Variants in BCAR3 observed in about 807,000 individuals in gnomAD.
BCAR3 encodes breast cancer anti-estrogen resistance protein 3.
BCAR3 carries 37 observed loss-of-function variants against 80.1 expected under a neutral mutation model. The ratio of observed to expected loss-of-function variants is 0.46; its 90% CI spans 0.36 to 0.61. The LOEUF is 0.61. Among genes scored for constraint, BCAR3 ranks in the 20% least tolerant of loss-of-function variants. BCAR3 has a pLI of 0.00. For synonymous variants in BCAR3, 389 were observed against 418.9 expected (o/e 0.93, Z 0.87); for missense variants, 978 against 1,068.2 (o/e 0.92, Z 1.18).
chr1:93,585,691 G>T (rs1276280025), intron 5 of BCAR3, among the ~76,000 whole-genome samples: 1 of 152,148 alleles, frequency 6.6e-6, no homozygotes, highest in East Asian at 1.9e-4. Flanking sequence ...CTATGAAAAG[G>T]AGGATTTCTA....
intron 3 of BCAR3, among the ~76,000 whole-genome samples, chr1:93,600,456 C>A (rs913584284): frequency 6.6e-6 from 1 of 152,150 alleles, no homozygotes; most frequent in East Asian, 1.9e-4. Context: ...GAAGTGGGTT[C>A]CAAGAGTCAG....
rs150792613 is a variant in BCAR3 at position 93,787,250 on chromosome 1, A to T, written c.-63+58317T>A. 3.1e-3 allele frequency among the ~76,000 whole-genome samples: 469 copies of T among 152,272 alleles called. 1 individual carries two copies. Among genetic ancestry groups the T allele is most frequent in the African/African-American group, 0.011 (459 of 41,566 alleles). On this transcript the variant is annotated intron_variant, in intron 2 of 13. Transcript: ENST00000370244. ...TGGGCTTGGCATTAAGCTTGAAGGA[A>T]TGGAGGAAAAGGGGCATCTGAGACA... is the stretch of plus-strand genomic sequence containing the variant.
intron 11 of BCAR3, 34 bp downstream of exon 11, chr1:93,567,243 AGT>A: frequency 6.2e-7 from 1 of 1,600,442 alleles, no homozygotes; most frequent in Non-Finnish European, 8.6e-7. Flanking sequence ...ATTACGATAC[AGT>A]GTTAGAGAAC....
chr1:93,813,676 G>A (rs1337219623), intron 2 of BCAR3, among the ~76,000 whole-genome samples: 2 of 151,926 alleles, frequency 1.3e-5, no homozygotes, highest in African/African-American at 2.4e-5. Context: ...TTAATATTTC[G>A]GGATCAAAGA....
At chr1:93,618,531 C>T (rs1004821248) in intron 3 of BCAR3, among the ~76,000 whole-genome samples, 21 of 152,200 alleles carry the variant, frequency 1.4e-4, no homozygotes, top group Admixed American at 2.6e-4. Context: ...CTGAGTAATG[C>T]GAAGCAAAAT....
intron 3 of BCAR3, among the ~76,000 whole-genome samples, chr1:93,611,990 T>C (rs185728051): frequency 6.6e-6 from 1 of 152,274 alleles, no homozygotes; most frequent in Non-Finnish European, 1.5e-5. Flanking sequence ...CAATTTAATT[T>C]TGAAACTCTA....
At chr1:93,629,244 A>C (rs903648986) in intron 3 of BCAR3, among the ~76,000 whole-genome samples, 2 of 152,294 alleles carry the variant, frequency 1.3e-5, no homozygotes. Flanking sequence ...CAGCCTGGGC[A>C]CACGCTGTCT....
intron 2 of BCAR3, among the ~76,000 whole-genome samples, chr1:93,669,895 A>C (rs1424958884): frequency 6.6e-6 from 1 of 152,176 alleles, no homozygotes; most frequent in Non-Finnish European, 1.5e-5. Context: ...TATGAGATGC[A>C]AAGGCATAAG....
Position 93,586,824 on chromosome 1 carries a change from C to A in BCAR3, c.929+2153G>T, listed in dbSNP as rs1199236016. 6.6e-6 allele frequency among the ~76,000 whole-genome samples: 1 copy of A among 152,202 alleles called. No individual in the cohort carries two copies. The highest frequency in any genetic ancestry group is 2.4e-5 in the African/African-American group (1 of 41,444). ...ATCATGTTGAACACCTTTTCATATG[C>A]CTGTTTGCCACTGCAGTGGCATGAT... On this transcript the variant is annotated intron_variant, in intron 5 of 11. Coordinates refer to ENST00000260502, the MANE Select transcript of BCAR3 (RefSeq NM_003567.4). This position sits in a 1 kb window ranked among gnomAD's most constrained non-coding sequence, Gnocchi z 4.2.
At chr1:93,802,315 GAA>G (rs11349279) in intron 2 of BCAR3, among the ~76,000 whole-genome samples, 4 of 143,056 alleles carry the variant, frequency 2.8e-5, no homozygotes, top group Admixed American at 7.0e-5. Context: ...AACTTTAAAA[GAA>G]AAAAAAAAAA....
chr1:93,638,448 A>T (rs1675867772), intron 3 of BCAR3, among the ~76,000 whole-genome samples: 1 of 152,218 alleles, frequency 6.6e-6, no homozygotes, highest in South Asian at 2.1e-4. Flanking sequence ...ACACAGTGTA[A>T]TTGTGTTTTA....
rs900177332 is a variant in BCAR3 at position 93,562,261 on chromosome 1, C to T, written c.2458G>A (p.Val820Ile). Reference protein sequence around the residue: ...ALSRKLEPPPVKQAEL With the variant: ...ALSRKLEPPPIKQAEL ...AGTTATCAAAGCTCTGCCTGCTTTA[C>T]AGGAGGAGGTTCCAATTTACGCGAG... Residue 820 changes from valine (V) to isoleucine (I), a missense_variant, in exon 12 of 12, where the codon GTA becomes ATA. Transcript: ENST00000260502. 1.2e-6 allele frequency: 2 copies of T among 1,613,926 alleles called. No homozygotes were observed. The highest frequency in any genetic ancestry group is 2.2e-5 in the East Asian group (1 of 44,878).
At chr1:93,834,076 C>T (rs923003617) in intron 2 of BCAR3, among the ~76,000 whole-genome samples, 4 of 152,196 alleles carry the variant, frequency 2.6e-5, no homozygotes, top group Admixed American at 6.5e-5. Flanking sequence ...CCAGTCCCTC[C>T]GTTTGGGTTC....
intron 2 of BCAR3, among the ~76,000 whole-genome samples, chr1:93,759,328 C>T (rs1299059590): frequency 6.6e-6 from 1 of 152,124 alleles, no homozygotes; most frequent in Non-Finnish European, 1.5e-5. Context: ...CTCCAGTGTC[C>T]GGCTAATTTC....
rs1673002024 is a variant in BCAR3, at chr1:93,567,467, T to C, written c.2111A>G (p.Asn704Ser). The stretch of plus-strand genomic sequence containing the variant: ...CGGCATCAGCAGTGGGACTGATACA[T>C]TGTTTGGGGGAACACATGTGGACTC... ...GRESTCVPPN[N>S]VSVPLLMPLV... is the part of the protein sequence containing the mutation. Residue 704 changes from asparagine (N) to serine (S), a missense_variant, in exon 11 of 12, where the codon AAT (asparagine) becomes AGT (serine). Asn to Ser is a conservative substitution (Grantham distance 46). Transcript: ENST00000260502. 1 of 1,613,174 alleles carries C rather than the reference T, an allele frequency of 6.2e-7. No individual in the cohort carries two copies. The highest frequency in any genetic ancestry group is 1.3e-5 in the African/African-American group (1 of 74,952).
chr1:93,688,226 C>T (rs1649041747), intron 3 of BCAR3, among the ~76,000 whole-genome samples: 1 of 152,156 alleles, frequency 6.6e-6, no homozygotes, highest in African/African-American at 2.4e-5. Context: ...TACTAAACCT[C>T]AGTAAATACT....
At position 93,699,563 on chromosome 1, in the gene BCAR3, A is replaced by T. The variant is rs115683749; in HGVS notation, c.-12+6529T>A. Among the ~76,000 whole-genome samples the T allele has an allele frequency of 3.5e-3, 535 of 152,120 alleles. 5 individuals are homozygous for T. The highest frequency in any genetic ancestry group is 0.012 in the African/African-American group (510 of 41,482). ...AGGTGATCATATACCGGCCTCAGTGATTCTCTCCTCCTCCCGGCCCCATGT... is the reference window on the plus strand; with the variant it reads ...AGGTGATCATATACCGGCCTCAGTGTTTCTCTCCTCCTCCCGGCCCCATGT... On this transcript the variant is annotated intron_variant, in intron 3 of 13. Coordinates refer to the BCAR3 transcript ENST00000370244.
chr1:93,686,045 T>C (rs1251759986), upstream of BCAR3, among the ~76,000 whole-genome samples: 1 of 152,096 alleles, frequency 6.6e-6, no homozygotes. Flanking sequence ...TATTTTTCAA[T>C]GATAATATTA....
rs897523060 is a variant in BCAR3 at position 93,663,053 on chromosome 1, A to T, written c.317+11561T>A. Among the ~76,000 whole-genome samples the T allele has an allele frequency of 5.3e-5, 8 of 152,112 alleles. No homozygotes were observed. In the East Asian group the frequency reaches 1.6e-3, roughly 29 times the overall value. On this transcript the variant is annotated intron_variant, in intron 2 of 11. Transcript: ENST00000260502. ...GCTTCACCTTATCGGGTGGCATTAGAGTCTCTTGTCATGGCCTCATCTACT... is the reference window on the plus strand; with the variant it reads ...GCTTCACCTTATCGGGTGGCATTAGTGTCTCTTGTCATGGCCTCATCTACT...
Sources: allele counts gnomAD v4.1 joint callset (sites outside exome capture counted in the v4.1 genomes callset), GRCh38; gene constraint gnomAD v4.1.1; non-coding constraint Gnocchi (gnomAD v3.1); transcripts MANE v1.5; gene names NCBI Gene and HGNC (gene_info 2026-07-23, HGNC 2026-07-21).